Variants in KIF15 observed in about 807,000 individuals in gnomAD.
The protein encoded by KIF15 is kinesin-like protein KIF15.
KIF15 carries 140 observed loss-of-function variants against 190.6 expected under a neutral mutation model. The observed-to-expected ratio is 0.73, with a 90% CI of 0.64 to 0.84. KIF15 has a LOEUF of 0.84. Ranked by LOEUF, KIF15 falls within the 40% of genes least tolerant of loss-of-function variation. The pLI, the probability that KIF15 is intolerant of heterozygous loss-of-function variation, is 0.00. For missense variants in KIF15, 1,372 were observed against 1,584.4 expected (o/e 0.87, Z 2.28); for synonymous variants, 528 against 551.3 (o/e 0.96, Z 0.59).
At chr3:44,826,596 C>G in intron 22 of KIF15, 136 bp downstream of exon 22, 3 of 607,138 alleles carry the variant, frequency 4.9e-6, no homozygotes, top group Non-Finnish European at 8.5e-6. Context: ...ACAGCAGGTT[C>G]TTTTGTATAA....
rs1327866718 is a variant in KIF15, at chr3:44,813,119, G to A, written c.2322G>A (p.Glu774=). ...TTGATTGGACCAAACAGCAGGAAGA[G>A]CTTCTCTCACAGTTGAATGTCCTTG... ...ERIDWTKQQE[E]LLSQLNVLEK... is the part of the protein sequence containing the mutation. Residue 774 remains glutamate (E), a synonymous_variant, in exon 19 of 35, where the codon GAG becomes GAA. Coordinates refer to ENST00000326047, the MANE Select transcript of KIF15 (RefSeq NM_020242.3). 11 of 1,597,276 alleles carry A rather than the reference G, an allele frequency of 6.9e-6. No individual in the cohort carries two copies. Among genetic ancestry groups the A allele is most frequent in the Non-Finnish European group, 6.0e-6 (7 of 1,175,202 alleles).
At chr3:44,849,880 T>C (rs1055027780) in intron 32 of KIF15, among the ~76,000 whole-genome samples, 3 of 152,206 alleles carry the variant, frequency 2.0e-5, no homozygotes, top group Non-Finnish European at 2.9e-5. Context: ...TAAGTAATTA[T>C]TATACTTAGG....
chr3:44,844,568 G>A (rs1698759324), intron 30 of KIF15, among the ~76,000 whole-genome samples: 1 of 152,192 alleles, frequency 6.6e-6, no homozygotes, highest in Admixed American at 6.5e-5. Context: ...GTATTTCAGA[G>A]ATACGTCATA....
chr3:44,815,790 A>G (rs1335643145), intron 20 of KIF15, among the ~76,000 whole-genome samples: 1 of 152,156 alleles, frequency 6.6e-6, no homozygotes, highest in Non-Finnish European at 1.5e-5. Context: ...ACTTTTTGAT[A>G]ATGTCTCCTG....
intron 20 of KIF15, among the ~76,000 whole-genome samples, chr3:44,823,066 T>A (rs1697437454): frequency 6.6e-6 from 1 of 152,200 alleles, no homozygotes; most frequent in East Asian, 1.9e-4. Flanking sequence ...GGAGCTACAA[T>A]CCTTTGGAGG....
At chr3:44,852,423 G>T in intron 34 of KIF15, 84 bp downstream of exon 34, 1 of 1,305,952 alleles carries the variant, frequency 7.7e-7, no homozygotes, top group Non-Finnish European at 1.0e-6. Context: ...CTTAATTATT[G>T]AATCAGTTAA....
chr3:44,813,585 A>G (rs1707892904), intron 19 of KIF15, among the ~76,000 whole-genome samples: 1 of 146,558 alleles, frequency 6.8e-6, no homozygotes, highest in Non-Finnish European at 1.5e-5. Context: ...ATGCCTGGCT[A>G]ATTTTTTTTT....
chr3:44,821,110 C>T (rs1175603560), intron 20 of KIF15, among the ~76,000 whole-genome samples: 9 of 141,436 alleles, frequency 6.4e-5, no homozygotes, highest in South Asian at 2.3e-4. Context: ...CCGGACCGGG[C>T]GGCTGGCCGG....
At chr3:44,812,360 A>G in intron 18 of KIF15, 71 bp downstream of exon 18, 1 of 1,065,056 alleles carries the variant, frequency 9.4e-7, no homozygotes, top group Non-Finnish European at 1.4e-6. Flanking sequence ...AAACATCCTC[A>G]AGGATCCTCA....
chr3:44,833,235 A>T (rs553671998), intron 26 of KIF15, among the ~76,000 whole-genome samples: 48 of 152,218 alleles, frequency 3.2e-4, no homozygotes, highest in African/African-American at 1.1e-3. Context: ...CCTTTTTGGC[A>T]CCAGGGACCA....
At chr3:44,773,763 T>C (rs1383991780) in intron 1 of KIF15, among the ~76,000 whole-genome samples, 1 of 152,190 alleles carries the variant, frequency 6.6e-6, no homozygotes, top group East Asian at 1.9e-4. Context: ...TGTTCTTATA[T>C]GGGCCACCAA....
chr3:44,829,374 A>ATG (rs547572565), intron 24 of KIF15, among the ~76,000 whole-genome samples: 25,420 of 136,744 alleles, frequency 0.19, 2,907 homozygotes, highest in Middle Eastern at 0.34. Flanking sequence ...ATATATATAT[A>ATG]TGTGTGTGTG....
At chr3:44,843,264 C>A in intron 30 of KIF15, 30 bp downstream of exon 30, 2 of 1,468,584 alleles carry the variant, frequency 1.4e-6, no homozygotes, top group Admixed American at 1.7e-5. Context: ...ACTCTATGGG[C>A]TAAATCTTGG....
intron 16 of KIF15, 125 bp downstream of exon 16, chr3:44,806,111 G>A (rs1466713706): frequency 2.9e-6 from 3 of 1,029,608 alleles, no homozygotes; most frequent in Non-Finnish European, 4.2e-6. Context: ...TAACACCGGT[G>A]TCACACTGGT....
intron 5 of KIF15, among the ~76,000 whole-genome samples, 178 bp downstream of exon 5, chr3:44,781,100 A>T (rs1706141368): frequency 6.6e-6 from 1 of 152,190 alleles, no homozygotes; most frequent in African/African-American, 2.4e-5. Flanking sequence ...TGTGTTAATC[A>T]TGTTTGCAGC....
chr3:44,779,690 C>T (rs995363669), intron 4 of KIF15, among the ~76,000 whole-genome samples: 4 of 151,098 alleles, frequency 2.6e-5, no homozygotes, highest in Non-Finnish European at 4.4e-5. Context: ...AAAAATTAGC[C>T]GGGCGTGGTG....
downstream of KIF15, among the ~76,000 whole-genome samples, chr3:44,855,692 TAGA>T (rs1225470324): frequency 6.6e-6 from 1 of 151,994 alleles, no homozygotes; most frequent in Admixed American, 6.6e-5. Context: ...GTGGGGTTGT[TAGA>T]AGGAGGATTT....
chr3:44,841,555 A>C (rs1354586079), intron 29 of KIF15, among the ~76,000 whole-genome samples: 1 of 151,330 alleles, frequency 6.6e-6, no homozygotes, highest in Non-Finnish European at 1.5e-5. Flanking sequence ...CCGCCACCAC[A>C]CTCGGCTAAT....
chr3:44,848,084 T>C, intron 31 of KIF15, 27 bp downstream of exon 31: 1 of 1,359,210 alleles, frequency 7.4e-7, no homozygotes, highest in Non-Finnish European at 1.0e-6. Flanking sequence ...TGTAATAGTT[T>C]CTTCTTGTCT....
Sources: gnomAD v4.1 joint callset for allele counts (sites outside exome capture counted in the v4.1 genomes callset) on GRCh38, gnomAD v4.1.1 for gene constraint, MANE v1.5 for transcripts, NCBI Gene and HGNC (gene_info 2026-07-23, HGNC 2026-07-21) for gene names.